The following CPEB3 variants were observed in gnomAD, a reference collection of about 807,000 sequenced individuals.
The protein encoded by CPEB3 is cytoplasmic polyadenylation element-binding protein 3.
Under a neutral mutation model 67.2 loss-of-function variants are expected in CPEB3, and 20 were observed. The ratio of observed to expected loss-of-function variants is 0.30; its 90% CI spans 0.21 to 0.43. The LOEUF (loss-of-function observed/expected upper bound fraction) is 0.43. Among genes scored for constraint, CPEB3 ranks in the 20% least tolerant of loss-of-function variants. The pLI is 1.00. For missense variants in CPEB3, 746 were observed against 968.6 expected, an observed-to-expected ratio of 0.77 and a Z score of 3.05; for synonymous variants, 376 against 393.1, an observed-to-expected ratio of 0.96 and a Z score of 0.51.
intron 1 of CPEB3, among the ~76,000 whole-genome samples, chr10:92,262,038 A>G (rs560867362): frequency 1.3e-5 from 2 of 152,344 alleles, no homozygotes; most frequent in South Asian, 4.1e-4. Context: ...AACTGAAGCA[A>G]TATCTATAGG....
At chr10:92,133,248 T>C (rs56836746) in intron 6 of CPEB3, among the ~76,000 whole-genome samples, 15,727 of 151,742 alleles carry the variant, frequency 0.1, 2,705 homozygotes, top group African/African-American at 0.36. Context: ...TCTGAAAAGA[T>C]CAACAAAATT....
intron 6 of CPEB3, among the ~76,000 whole-genome samples, chr10:92,117,261 A>G (rs1322151249): frequency 1.4e-5 from 2 of 147,408 alleles, no homozygotes; most frequent in African/African-American, 5.0e-5. Context: ...TGACCTCATG[A>G]TCCACCCACC....
chr10:92,104,892 T>A (rs1484474394), intron 7 of CPEB3, among the ~76,000 whole-genome samples: 1 of 152,094 alleles, frequency 6.6e-6, no homozygotes, highest in East Asian at 1.9e-4. Context: ...GTCCGAACCA[T>A]GATTTCTTTT....
At chr10:92,260,798 G>A (rs1289410976) in intron 1 of CPEB3, among the ~76,000 whole-genome samples, 4 of 151,826 alleles carry the variant, frequency 2.6e-5, no homozygotes, top group Non-Finnish European at 1.5e-5. Context: ...TAGTAGAGAC[G>A]GGGTTTCGCC....
At chr10:92,135,036 T>C (rs1053594330) in intron 6 of CPEB3, among the ~76,000 whole-genome samples, 1 of 152,130 alleles carries the variant, frequency 6.6e-6, no homozygotes, top group African/African-American at 2.4e-5. Context: ...AAGACTTAAA[T>C]GTTAGACCTA....
At chr10:92,230,740 A>G (rs1851227464) in intron 2 of CPEB3, among the ~76,000 whole-genome samples, 1 of 152,194 alleles carries the variant, frequency 6.6e-6, no homozygotes, top group Non-Finnish European at 1.5e-5. Context: ...AGGAGCAGCT[A>G]CCCACAAGGT....
chr10:92,180,904 A>G, intron 4 of CPEB3, 59 bp downstream of exon 4: 1 of 885,830 alleles, frequency 1.1e-6, no homozygotes. Context: ...AAGAATGTAG[A>G]AACTACATGC....
intron 1 of CPEB3, among the ~76,000 whole-genome samples, chr10:92,288,964 G>C (rs1842665364): frequency 6.6e-6 from 1 of 152,148 alleles, no homozygotes; most frequent in African/African-American, 2.4e-5. Flanking sequence ...TAAGACACCG[G>C]GCTGTGCACG....
chr10:92,218,841 T>C (rs989584412), intron 2 of CPEB3, among the ~76,000 whole-genome samples: 1 of 151,534 alleles, frequency 6.6e-6, no homozygotes, highest in Non-Finnish European at 1.5e-5. Context: ...TCAGACAGGG[T>C]CTCAAATCTG....
chr10:92,118,947 C>A, intron 6 of CPEB3: 1 of 1,318,986 alleles, frequency 7.6e-7, no homozygotes, highest in South Asian at 1.2e-5. Context: ...AACTTTGAGT[C>A]TTATTTGGAG....
chr10:92,206,212 C>T (rs144351305), intron 2 of CPEB3, among the ~76,000 whole-genome samples: 366 of 151,988 alleles, frequency 2.4e-3, no homozygotes, highest in Non-Finnish European at 4.2e-3. Flanking sequence ...GCTGGGATTA[C>T]AGGCACGCGC....
intron 6 of CPEB3, among the ~76,000 whole-genome samples, chr10:92,112,778 C>T (rs1844815459): frequency 6.6e-6 from 1 of 152,228 alleles, no homozygotes; most frequent in African/African-American, 2.4e-5. Context: ...AACTCTGCTA[C>T]TAACCTCAAA....
At chr10:92,278,290 A>C (rs1842087463) in intron 1 of CPEB3, among the ~76,000 whole-genome samples, 1 of 152,098 alleles carries the variant, frequency 6.6e-6, no homozygotes, top group Admixed American at 6.6e-5. Context: ...TGGAATTTTG[A>C]TAGGGATTGC....
At chr10:92,188,414 C>CA (rs1251173819) in intron 3 of CPEB3, among the ~76,000 whole-genome samples, 2 of 133,068 alleles carry the variant, frequency 1.5e-5, no homozygotes, top group African/African-American at 2.9e-5. Context: ...CTTTAAAAAG[C>CA]AAAAAATAAA....
rs1481217125 is a variant in CPEB3 at position 92,052,088 on chromosome 10, A to C, written c.*124T>G. ...ATAATAATAATAATAAAAAGACCCAATTCTTCTTTAAAAATCGAGAACGAA... is the reference window on the plus strand; with the variant it reads ...ATAATAATAATAATAAAAAGACCCACTTCTTCTTTAAAAATCGAGAACGAA... On this transcript the variant is annotated 3_prime_UTR_variant, in exon 10 of 10. Transcript: ENST00000265997. 1.6e-5 allele frequency: 10 copies of C among 622,098 alleles called. No homozygotes were observed. The highest frequency in any genetic ancestry group is 2.9e-5 in the Non-Finnish European group (10 of 350,646). The allele number at this position is 622,098 out of a possible 1,614,324, so 38.5% of individuals were successfully genotyped here.
Position 92,052,359 on chromosome 10 carries a change from C to T in CPEB3, c.1950G>A (p.Pro650=), listed in dbSNP as rs147464061. Residue 650 remains proline (P), a synonymous_variant, in exon 10 of 10, where the codon CCG becomes CCA. Coordinates refer to ENST00000265997, the MANE Select transcript of CPEB3 (RefSeq NM_014912.5). The stretch of plus-strand genomic sequence containing the variant: ...GACAGGTGACGTTGGCACAGAAGAA[C>T]GGGGCAAACTTCCCACCACAGCGTG... ...QGTRCGGKFA[P]FFCANVTCLQ... 8.5e-5 allele frequency: 137 copies of T among 1,614,186 alleles called. No individual in the cohort carries two copies. The highest frequency in any genetic ancestry group is 4.9e-4 in the African/African-American group (37 of 75,042).
Position 92,187,635 on chromosome 10 carries a change from G to A in CPEB3, c.1165+4842C>T, listed in dbSNP as rs75946948. On this transcript the variant is annotated intron_variant, in intron 3 of 9. Coordinates refer to ENST00000265997, the MANE Select transcript of CPEB3 (RefSeq NM_014912.5). ...TATGATTAATCAAACCTGACCTGAC[G>A]ACCATGAGTTTTCAGAGTGGTTCCA... Among the ~76,000 whole-genome samples, 32 of 152,236 alleles carry A rather than the reference G, an allele frequency of 2.1e-4. No homozygotes were observed. The East Asian group carries it at 5.2e-3, about 25-fold the overall frequency.
At chr10:92,215,038 G>A (rs185311936) in intron 2 of CPEB3, among the ~76,000 whole-genome samples, 31 of 148,256 alleles carry the variant, frequency 2.1e-4, no homozygotes, top group African/African-American at 7.7e-4. Flanking sequence ...AGTGGAGGCG[G>A]GGTTTTGCCA....
At chr10:92,291,168 C>A, upstream of CPEB3, 1 of 458,962 alleles carries the variant, frequency 2.2e-6, no homozygotes, top group South Asian at 2.5e-5. Flanking sequence ...GCGACTCTTA[C>A]CTCACAAAGG....
Sources: gnomAD v4.1 joint callset for allele counts (sites outside exome capture counted in the v4.1 genomes callset) on GRCh38, gnomAD v4.1.1 for gene constraint, MANE v1.5 for transcripts, NCBI Gene and HGNC (gene_info 2026-07-23, HGNC 2026-07-21) for gene names.